Variants in MIB1 observed in about 807,000 individuals in gnomAD.
The protein encoded by MIB1 is MIB E3 ubiquitin protein ligase 1, also known as E3 ubiquitin-protein ligase MIB1.
Under a neutral mutation model 124.5 loss-of-function variants are expected in MIB1, and 278 were observed. The observed-to-expected ratio is 2.23, with a 90% confidence interval of 2.02 to 2.47. The LOEUF (loss-of-function observed/expected upper bound fraction) is 2.47. Among genes scored for constraint, MIB1 ranks in the 30% most tolerant of loss-of-function variants. MIB1 has a pLI of 0.00. For synonymous variants in MIB1, 446 were observed against 429.4 expected, an observed-to-expected ratio of 1.04 and a Z score of -0.48; for missense variants, 957 against 1,254.4, an observed-to-expected ratio of 0.76 and a Z score of 3.58.
chr18:21,759,358 T>G (rs953974271), intron 1 of MIB1, among the ~76,000 whole-genome samples: 2 of 152,018 alleles, frequency 1.3e-5, no homozygotes, highest in African/African-American at 4.8e-5. Context: ...TTCTCCTGCC[T>G]CAGCCTCCCG....
chr18:21,732,309 C>G, intron 1 of MIB1, among the ~76,000 whole-genome samples: 1 of 150,660 alleles, frequency 6.6e-6, no homozygotes, highest in Non-Finnish European at 1.5e-5. Context: ...GCCTGGGCAA[C>G]AGCGTAAGCC....
At chr18:21,747,649 G>T (rs1398812191) in intron 1 of MIB1, among the ~76,000 whole-genome samples, 1 of 152,178 alleles carries the variant, frequency 6.6e-6, no homozygotes, top group Non-Finnish European at 1.5e-5. Context: ...AAATAAAGGA[G>T]CATGTAACAC....
chr18:21,857,672 A>G (rs1231099466), intron 19 of MIB1, among the ~76,000 whole-genome samples: 2 of 152,268 alleles, frequency 1.3e-5, no homozygotes, highest in East Asian at 3.8e-4. Context: ...AATGGTAATT[A>G]TTTGGGACAG....
chr18:21,741,527 C>CCGGCGGCAGCGG lies in MIB1; in HGVS notation c.-49_-38dup. 7.9e-7 allele frequency: 1 copy of CCGGCGGCAGCGG among 1,272,108 alleles called. No individual in the cohort carries two copies. Among genetic ancestry groups the CCGGCGGCAGCGG allele is most frequent in the Non-Finnish European group, 1.0e-6 (1 of 999,608 alleles). The allele number at this position is 1,272,108 out of a possible 1,614,324, so 78.8% of individuals were successfully genotyped here. ...CGGGCCCAACTCCCTCACGGGCCCC[C>CCGGCGGCAGCGG]CGGCGGCAGCGGCGGCGGCGGCGGC... On this transcript the variant is annotated 5_prime_UTR_variant, in exon 1 of 21. Transcript: ENST00000261537. This position sits in a 1 kb window ranked among gnomAD's most constrained non-coding sequence, Gnocchi z 5.4.
chr18:21,707,597 C>A (rs2040645425), intron 1 of MIB1, among the ~76,000 whole-genome samples: 1 of 152,174 alleles, frequency 6.6e-6, no homozygotes, highest in Admixed American at 6.5e-5. Flanking sequence ...GACCACGAAC[C>A]CACCAGAAGG....
intron 1 of MIB1, among the ~76,000 whole-genome samples, chr18:21,745,964 C>T (rs895004916): frequency 6.6e-6 from 1 of 152,076 alleles, no homozygotes; most frequent in Non-Finnish European, 1.5e-5. Context: ...CCTCAGCCTC[C>T]CAAAGTGCTG....
intron 10 of MIB1, among the ~76,000 whole-genome samples, chr18:21,813,569 A>C (rs1184990025): frequency 6.6e-6 from 1 of 152,224 alleles, no homozygotes; most frequent in African/African-American, 2.4e-5. Context: ...TAAGGTAGAA[A>C]TATCCCTGAG....
At chr18:21,836,259 GA>G (rs1260857114) in intron 12 of MIB1, among the ~76,000 whole-genome samples, 2 of 145,954 alleles carry the variant, frequency 1.4e-5, no homozygotes, top group African/African-American at 5.0e-5. Flanking sequence ...CTTTGTCTCA[GA>G]AAAAAACAAA....
chr18:21,705,184 A>G (rs1034208275), intron 1 of MIB1: 3 of 152,422 alleles, frequency 2.0e-5, no homozygotes, highest in Non-Finnish European at 4.4e-5. Context: ...TTAGCAGGTA[A>G]GAATCCCACA....
chr18:21,832,337 T>G (rs1283184013), intron 12 of MIB1, among the ~76,000 whole-genome samples: 2 of 152,194 alleles, frequency 1.3e-5, no homozygotes, highest in Admixed American at 1.3e-4. Flanking sequence ...GGCATGATCA[T>G]TGCACACTTT....
intron 7 of MIB1, 139 bp from the exon 8 acceptor site, chr18:21,797,945 C>T (rs1324606009): frequency 1.5e-6 from 1 of 656,904 alleles, no homozygotes; most frequent in Non-Finnish European, 2.6e-6. Context: ...TTCAAATAAC[C>T]CATTTCAGTA....
At chr18:21,706,754 C>A (rs1210048962) in intron 1 of MIB1, among the ~76,000 whole-genome samples, 3 of 152,202 alleles carry the variant, frequency 2.0e-5, no homozygotes, top group Non-Finnish European at 4.4e-5. Context: ...TGCCTCCCCA[C>A]GGGGCAGGGC....
chr18:21,778,353 TGTC>T (rs996593916), intron 5 of MIB1, among the ~76,000 whole-genome samples, 184 bp downstream of exon 5: 8 of 152,338 alleles, frequency 5.3e-5, no homozygotes, highest in Admixed American at 4.6e-4. Flanking sequence ...GACTCAGAGT[TGTC>T]ATGTCTTGAG....
chr18:21,807,653 G>C (rs1260926869), intron 10 of MIB1, among the ~76,000 whole-genome samples: 1 of 152,186 alleles, frequency 6.6e-6, no homozygotes, highest in East Asian at 1.9e-4. Context: ...GACATCTAGA[G>C]GATAGAAGCT....
intron 1 of MIB1, among the ~76,000 whole-genome samples, chr18:21,734,440 C>G (rs550108235): frequency 6.6e-6 from 1 of 151,820 alleles, no homozygotes; most frequent in African/African-American, 2.4e-5. Flanking sequence ...TCATGTTGCT[C>G]TAATAGGGAC....
Position 21,768,630 on chromosome 18 carries a change from T to G in MIB1, c.409T>G (p.Leu137Val). 6.4e-7 allele frequency: 1 copy of G among 1,559,390 alleles called. No individual in the cohort carries two copies. Among genetic ancestry groups the G allele is most frequent in the Non-Finnish European group, 8.7e-7 (1 of 1,149,702 alleles). Residue 137 changes from leucine (L) to valine (V), a missense_variant, in exon 3 of 21, where the codon TTA (leucine) becomes GTA (valine). Transcript: ENST00000261537. Reference sequence around the variant, plus strand: ...AAATAATTTTATTTTTAGGGTTCTGTTAGAGTCTCGTAGGAAATCTAAGAA... The same window carrying G: ...AAATAATTTTATTTTTAGGGTTCTGGTAGAGTCTCGTAGGAAATCTAAGAA... ...ITTPGSERVL[L>V]ESRRKSKKIT...
At position 21,750,800 on chromosome 18, in the gene MIB1, T is replaced by G. The variant is rs542250324; in HGVS notation, c.229+8988T>G. ...CACACCTCTTACCTTTTTCATTGTGTTGGTTTTATGTAAATTTTCAGGAAA... is the reference window on the plus strand; with the variant it reads ...CACACCTCTTACCTTTTTCATTGTGGTGGTTTTATGTAAATTTTCAGGAAA... On this transcript the variant is annotated intron_variant, in intron 1 of 20. Transcript: ENST00000261537. 7.9e-5 allele frequency among the ~76,000 whole-genome samples: 12 copies of G among 152,308 alleles called. 1 individual carries two copies. In the South Asian group the frequency reaches 2.5e-3, roughly 32 times the overall value.
intron 12 of MIB1, chr18:21,829,223 A>T (rs1360307819): frequency 5.8e-6 from 2 of 345,334 alleles, no homozygotes; most frequent in Non-Finnish European, 5.6e-6. Context: ...ATTTTGTAAC[A>T]AGTTTACCTG....
Position 21,706,322 on chromosome 18 carries a change from C to T in MIB1, n.167+1199C>T, listed in dbSNP as rs138656470. The stretch of plus-strand genomic sequence containing the variant: ...TCTGGAACTCCTGATCCACTCGCCT[C>T]GGCCTCCCAAAGTGCTGGTGAGAGG... On this transcript the variant is annotated intron_variant and non_coding_transcript_variant, in intron 1 of 20. Coordinates refer to the MIB1 transcript ENST00000578646. Among the ~76,000 whole-genome samples the T allele has an allele frequency of 6.8e-3, 1,039 of 152,296 alleles. 14 individuals are homozygous for T. The highest frequency in any genetic ancestry group is 0.024 in the African/African-American group (1,006 of 41,566).
Sources: allele counts gnomAD v4.1 joint callset (sites outside exome capture counted in the v4.1 genomes callset), GRCh38; gene constraint gnomAD v4.1.1; non-coding constraint Gnocchi (gnomAD v3.1); transcripts MANE v1.5; gene names NCBI Gene and HGNC (gene_info 2026-07-23, HGNC 2026-07-21).